Variants in JAZF1 observed in about 807,000 individuals in gnomAD.
JAZF1 encodes the protein JAZF zinc finger 1.
Under a neutral mutation model 26.4 loss-of-function variants are expected in JAZF1, and 8 were observed. The ratio of observed to expected loss-of-function variants is 0.30; its 90% CI spans 0.18 to 0.55. JAZF1 has a LOEUF of 0.55. JAZF1 is among the 20% of genes least tolerant of loss of function. The pLI is 0.94. For missense variants in JAZF1, 199 were observed against 322.0 expected (o/e 0.62, Z 2.92); for synonymous variants, 126 against 122.3 (o/e 1.03, Z -0.20).
intron 2 of JAZF1, among the ~76,000 whole-genome samples, chr7:27,897,208 C>A (rs765543676): frequency 1.3e-5 from 2 of 151,920 alleles, no homozygotes; most frequent in African/African-American, 4.8e-5. Context: ...CCAGGAAGGC[C>A]GATTGTTCTC....
At chr7:28,123,302 G>A (rs941937111) in intron 1 of JAZF1, among the ~76,000 whole-genome samples, 10 of 152,130 alleles carry the variant, frequency 6.6e-5, no homozygotes, top group African/African-American at 2.4e-4. Flanking sequence ...TCAGATCTCA[G>A]TTCAACCAGC....
At chr7:28,131,853 C>T (rs1782799578) in intron 1 of JAZF1, among the ~76,000 whole-genome samples, 1 of 152,180 alleles carries the variant, frequency 6.6e-6, no homozygotes, top group South Asian at 2.1e-4. Context: ...ATTGACAAAA[C>T]ACTTCACTCG....
At chr7:27,836,315 G>C (rs1427434261) in intron 4 of JAZF1, among the ~76,000 whole-genome samples, 2 of 17,122 alleles carry the variant, frequency 1.2e-4, no homozygotes, top group East Asian at 3.0e-3. Context: ...AACTTAGGTG[G>C]GGGGGGTTCC....
intron 1 of JAZF1, 192 bp from the exon 2 acceptor site, chr7:27,992,173 T>C (rs1785920561): frequency 1.5e-6 from 1 of 652,584 alleles, no homozygotes; most frequent in Non-Finnish European, 2.9e-6. Flanking sequence ...GCATTACTTT[T>C]CAAGGGAATT....
intron 3 of JAZF1, among the ~76,000 whole-genome samples, chr7:27,877,137 C>G (rs529221618): frequency 6.8e-6 from 1 of 147,010 alleles, no homozygotes; most frequent in Admixed American, 6.9e-5. Context: ...TTATCACCGA[C>G]CACGTTTATT....
Position 28,025,340 on chromosome 7 carries a change from G to A in JAZF1, c.116-33359C>T, listed in dbSNP as rs1349021441. On this transcript the variant is annotated intron_variant, in intron 1 of 4. Transcript: ENST00000283928. The stretch of plus-strand genomic sequence containing the variant: ...GAGAAATTAAACTAAAATTTTCAGT[G>A]TAGGTAATACGTTCTCCATACAGCA... 1.6e-4 allele frequency among the ~76,000 whole-genome samples: 25 copies of A among 152,222 alleles called. 1 individual carries two copies. Among genetic ancestry groups the A allele is most frequent in the Non-Finnish European group, 2.9e-5 (2 of 68,048 alleles).
At chr7:28,145,069 T>C (rs972877563) in intron 1 of JAZF1, among the ~76,000 whole-genome samples, 5 of 152,208 alleles carry the variant, frequency 3.3e-5, no homozygotes, top group Non-Finnish European at 7.3e-5. Flanking sequence ...ACAGAGGTCA[T>C]AGTGAGTTTG....
At chr7:28,052,874 C>T (rs1783638650) in intron 1 of JAZF1, among the ~76,000 whole-genome samples, 1 of 151,598 alleles carries the variant, frequency 6.6e-6, no homozygotes, top group African/African-American at 2.4e-5. Flanking sequence ...ACCATCTTAA[C>T]CACTTTTAAG....
intron 1 of JAZF1, among the ~76,000 whole-genome samples, chr7:28,001,359 AC>A (rs1325060159): frequency 2.0e-5 from 3 of 151,642 alleles, no homozygotes; most frequent in African/African-American, 7.3e-5. Context: ...CTCAAAAAAA[AC>A]AAAACAAAAC....
chr7:28,053,832 A>G (rs1783654650), intron 1 of JAZF1, among the ~76,000 whole-genome samples: 1 of 152,184 alleles, frequency 6.6e-6, no homozygotes, highest in Non-Finnish European at 1.5e-5. Context: ...AGAAGATGCT[A>G]GAGGGCCTCA....
At chr7:28,131,495 T>A (rs1314566567) in intron 1 of JAZF1, among the ~76,000 whole-genome samples, 1 of 152,162 alleles carries the variant, frequency 6.6e-6, no homozygotes, top group Non-Finnish European at 1.5e-5. Context: ...CTAGAATCTT[T>A]AAAAAATCCT....
At chr7:28,067,968 C>T (rs1451690934) in intron 1 of JAZF1, among the ~76,000 whole-genome samples, 1 of 152,148 alleles carries the variant, frequency 6.6e-6, no homozygotes, top group Non-Finnish European at 1.5e-5. Flanking sequence ...AGCTGGAGTG[C>T]AATGGTGCGA....
chr7:28,014,156 C>A (rs574457303), intron 1 of JAZF1, among the ~76,000 whole-genome samples: 5 of 152,170 alleles, frequency 3.3e-5, no homozygotes, highest in African/African-American at 1.2e-4. Context: ...TGCATGCTCT[C>A]TTTACTGCCA....
intron 2 of JAZF1, among the ~76,000 whole-genome samples, chr7:27,896,146 A>C (rs1784059340): frequency 6.6e-6 from 1 of 152,196 alleles, no homozygotes; most frequent in African/African-American, 2.4e-5. Context: ...TAATTTTATT[A>C]CTCATAAAGA....
intron 1 of JAZF1, among the ~76,000 whole-genome samples, chr7:28,173,058 G>T (rs1026980243): frequency 6.6e-6 from 1 of 152,206 alleles, no homozygotes; most frequent in Non-Finnish European, 1.5e-5. Flanking sequence ...TGAAGGCCCA[G>T]CTACGTATAC....
At chr7:27,887,124 G>T (rs1003969662) in intron 3 of JAZF1, among the ~76,000 whole-genome samples, 5 of 152,120 alleles carry the variant, frequency 3.3e-5, no homozygotes, top group African/African-American at 1.2e-4. Context: ...TCGGAGGGTG[G>T]AGGGTAAAGG....
intron 2 of JAZF1, among the ~76,000 whole-genome samples, chr7:27,963,560 C>A (rs1249048924): frequency 2.0e-5 from 2 of 99,258 alleles, no homozygotes; most frequent in East Asian, 3.0e-4. Context: ...TTTGCAATTC[C>A]CCCCCCCCCT....
At chr7:28,083,584 TACAC>T (rs1381930571) in intron 1 of JAZF1, among the ~76,000 whole-genome samples, 1 of 152,102 alleles carries the variant, frequency 6.6e-6, no homozygotes, top group Non-Finnish European at 1.5e-5. Flanking sequence ...AAGACTAAAA[TACAC>T]ACAGCATATG....
chr7:27,940,845 A>C (rs1784836431), intron 2 of JAZF1, among the ~76,000 whole-genome samples: 1 of 152,236 alleles, frequency 6.6e-6, no homozygotes, highest in Non-Finnish European at 1.5e-5. Flanking sequence ...GTATTCATAA[A>C]TACTAATGTT....
Sources: allele counts gnomAD v4.1 joint callset (sites outside exome capture counted in the v4.1 genomes callset), GRCh38; gene constraint gnomAD v4.1.1; transcripts MANE v1.5; gene names NCBI Gene and HGNC (gene_info 2026-07-23, HGNC 2026-07-21).